BFSP2: variants seen among roughly 807,000 people sequenced by gnomAD.
The protein encoded by BFSP2 is beaded filament structural protein 2, also known as phakinin.
BFSP2 carries 38 observed loss-of-function variants against 44.9 expected under a neutral mutation model. That is an observed-to-expected ratio of 0.85 (90% CI 0.65 to 1.11). The LOEUF (loss-of-function observed/expected upper bound fraction) is 1.11. Ranked by LOEUF, BFSP2 falls within the 50% of genes least tolerant of loss-of-function variation. BFSP2 has a pLI of 0.00. For missense variants in BFSP2, 525 were observed against 533.0 expected (o/e 0.99, Z 0.15); for synonymous variants, 197 against 209.9 (o/e 0.94, Z 0.53).
intron 5 of BFSP2, among the ~76,000 whole-genome samples, chr3:133,470,795 G>A (rs1400884403): frequency 6.6e-6 from 1 of 152,202 alleles, no homozygotes; most frequent in Non-Finnish European, 1.5e-5. Context: ...CCATAAGCAA[G>A]CTTAGCCCAC....
chr3:133,429,782 T>C (rs1323566117), intron 1 of BFSP2: 1 of 151,914 alleles, frequency 6.6e-6, no homozygotes, highest in African/African-American at 2.4e-5. Flanking sequence ...TACTTTAAGT[T>C]TTAGGGTACA....
chr3:133,400,334 T>C lies in BFSP2; in HGVS notation c.251T>C (p.Phe84Ser). 6.2e-7 allele frequency: 1 copy of C among 1,614,036 alleles called. No individual in the cohort carries two copies. Among genetic ancestry groups the C allele is most frequent in the Non-Finnish European group, 8.5e-7 (1 of 1,180,040 alleles). ...CGGGCCCTCGGCATCAGCAGTGTCT[T>C]CCTTCAGGGCCTGCGGAGCTCAGGC... ...TRRALGISSV[F>S]LQGLRSSGLA... Residue 84 changes from phenylalanine to serine, a missense_variant, in exon 1 of 7, where the codon TTC (phenylalanine) becomes TCC (serine). Physicochemically the swap from Phe to Ser is radical, Grantham distance 155. Coordinates refer to ENST00000302334, the MANE Select transcript of BFSP2 (RefSeq NM_003571.4). This position sits in a 1 kb window ranked among gnomAD's most constrained non-coding sequence, Gnocchi z 4.0.
At chr3:133,437,531 A>AAAAC (rs765240630) in intron 1 of BFSP2, among the ~76,000 whole-genome samples, 116 of 152,220 alleles carry the variant, frequency 7.6e-4, no homozygotes, top group Non-Finnish European at 1.3e-3. Flanking sequence ...CTCAAAAAAC[A>AAAAC]AAACAAACAA....
intron 1 of BFSP2, among the ~76,000 whole-genome samples, chr3:133,431,841 A>AC (rs2073723898): frequency 6.6e-6 from 1 of 151,510 alleles, no homozygotes; most frequent in South Asian, 2.1e-4. Context: ...CCTTTTAAGC[A>AC]CTCCTTTTTA....
At chr3:133,421,589 A>C (rs1403669553) in intron 1 of BFSP2, among the ~76,000 whole-genome samples, 1 of 151,938 alleles carries the variant, frequency 6.6e-6, no homozygotes, top group Non-Finnish European at 1.5e-5. Flanking sequence ...TCTTATTTCC[A>C]AAAAAAAGGT....
At chr3:133,440,053 C>T (rs1313088724) in intron 1 of BFSP2, among the ~76,000 whole-genome samples, 1 of 152,124 alleles carries the variant, frequency 6.6e-6, no homozygotes, top group African/African-American at 2.4e-5. Context: ...CACAGTTCCC[C>T]ACGGCTGGGG....
chr3:133,405,516 GCTCT>G (rs926622207), intron 1 of BFSP2, among the ~76,000 whole-genome samples: 2 of 151,828 alleles, frequency 1.3e-5, no homozygotes, highest in African/African-American at 4.8e-5. Context: ...GTCCTAGAAG[GCTCT>G]CTTTTTAGAA....
Position 133,475,116 on chromosome 3 carries a change from T to G in BFSP2, c.*144T>G. ...CTTGAGCTGAAAAGCTTCCTGGAAGTGGAGAGGATCCTTCTGCTTTAATCT... is the reference window on the plus strand; with the variant it reads ...CTTGAGCTGAAAAGCTTCCTGGAAGGGGAGAGGATCCTTCTGCTTTAATCT... On this transcript the variant is annotated 3_prime_UTR_variant, in exon 7 of 7. Transcript: ENST00000302334. 8.6e-7 allele frequency: 1 copy of G among 1,157,338 alleles called. No homozygotes were observed. The highest frequency in any genetic ancestry group is 2.3e-5 in the East Asian group (1 of 42,588). 71.7% of individuals were successfully genotyped at this position (1,157,338 alleles called of 1,614,324 possible).
chr3:133,469,855 G>T (rs2074145972), intron 5 of BFSP2, among the ~76,000 whole-genome samples: 1 of 152,202 alleles, frequency 6.6e-6, no homozygotes, highest in Non-Finnish European at 1.5e-5. Flanking sequence ...TTGGCAGTGG[G>T]TCCTAAGTCA....
At chr3:133,444,830 G>T (rs762959305) in intron 1 of BFSP2, among the ~76,000 whole-genome samples, 1 of 152,098 alleles carries the variant, frequency 6.6e-6, no homozygotes. Flanking sequence ...CACCGCAAGA[G>T]CCTCCCGACT....
At chr3:133,448,381 C>T in intron 2 of BFSP2, 108 bp from the exon 3 acceptor site, 1 of 1,321,656 alleles carries the variant, frequency 7.6e-7, no homozygotes. Flanking sequence ...GTGACTTTTA[C>T]CATTCATTGT....
rs1259606966 is a variant in BFSP2, at chr3:133,472,459, G to C, written c.1138G>C (p.Glu380Gln). 1 of 1,614,050 alleles carries C rather than the reference G, an allele frequency of 6.2e-7. No homozygotes were observed. The highest frequency in any genetic ancestry group is 8.5e-7 in the Non-Finnish European group (1 of 1,180,028). ...GGCGGAGCTCAGGGAAATCCGAGCG[G>C]AGGCGGAGCAGCAGCAACAGGAGCG... is the stretch of plus-strand genomic sequence containing the variant. ...LEAELREIRA[E>Q]AEQQQQERAH... The change falls in exon 6 of 7, where the codon GAG (glutamate) becomes CAG (glutamine). Residue 380 changes from glutamate (E) to glutamine (Q), a missense_variant. Transcript: ENST00000302334.
chr3:133,410,647 T>A (rs1041163808), intron 1 of BFSP2: 1 of 297,336 alleles, frequency 3.4e-6, no homozygotes, highest in Non-Finnish European at 6.7e-6. Context: ...TTCAGTTCAA[T>A]GTTACAGAAA....
chr3:133,409,075 A>G (rs1032236184), intron 1 of BFSP2, among the ~76,000 whole-genome samples: 4 of 152,278 alleles, frequency 2.6e-5, no homozygotes, highest in African/African-American at 9.6e-5. Context: ...TAGCATAGTC[A>G]CACGAAGAAG....
chr3:133,434,353 A>C (rs1451337109), intron 1 of BFSP2, among the ~76,000 whole-genome samples: 1 of 152,026 alleles, frequency 6.6e-6, no homozygotes, highest in Non-Finnish European at 1.5e-5. Context: ...CCCTTACCAC[A>C]AAAATCTTCC....
chr3:133,414,971 CCTGCCATCTCTCCTCTACTCACCCT>C (rs2073501816), intron 1 of BFSP2, among the ~76,000 whole-genome samples: 1 of 141,228 alleles, frequency 7.1e-6, no homozygotes, highest in Non-Finnish European at 1.5e-5. Flanking sequence ...TCTACTCACC[CCTGCCATCTCTCCTCTACTCACCCT>C]TGTCCTCTCT....
At chr3:133,415,165 ATCCTCTCCCCTCTACTCAACTCTG>A (rs2073506599) in intron 1 of BFSP2, among the ~76,000 whole-genome samples, 2 of 12,032 alleles carry the variant, frequency 1.7e-4, no homozygotes, top group Admixed American at 1.1e-3. Flanking sequence ...TCCTCTCCCC[ATCCTCTCCCCTCTACTCAACTCTG>A]TCCTCTCCCC....
intron 1 of BFSP2, among the ~76,000 whole-genome samples, chr3:133,436,047 T>G (rs981529253): frequency 1.3e-5 from 2 of 152,200 alleles, no homozygotes; most frequent in Non-Finnish European, 2.9e-5. Flanking sequence ...GAACTTAGTA[T>G]GAGTTTATTT....
intron 4 of BFSP2, among the ~76,000 whole-genome samples, chr3:133,462,050 C>T (rs1264968125): frequency 3.4e-5 from 3 of 88,882 alleles, no homozygotes; most frequent in South Asian, 4.6e-4. Flanking sequence ...TAGAATTTTG[C>T]TTCCATGGAC....
Sources: allele counts gnomAD v4.1 joint callset (sites outside exome capture counted in the v4.1 genomes callset), GRCh38; gene constraint gnomAD v4.1.1; non-coding constraint Gnocchi (gnomAD v3.1); transcripts MANE v1.5; gene names NCBI Gene and HGNC (gene_info 2026-07-23, HGNC 2026-07-21).